Variants in TIPRL observed in about 807,000 individuals in gnomAD.
TIPRL encodes the protein TOR signaling pathway regulator.
TIPRL carries 10 observed loss-of-function variants against 32.3 expected under a neutral mutation model. The ratio of observed to expected loss-of-function variants is 0.31; its 90% CI spans 0.19 to 0.52. The LOEUF is 0.52. Among genes scored for constraint, TIPRL ranks in the 20% least tolerant of loss-of-function variants. The probability of loss-of-function intolerance (pLI) is 0.96; values close to 1 mark genes in which losing one functional copy is unlikely to be tolerated. For synonymous variants in TIPRL, 100 were observed against 114.0 expected (o/e 0.88, Z 0.78); for missense variants, 250 against 328.1 (o/e 0.76, Z 1.84).
intron 4 of TIPRL, 28 bp from the exon 5 acceptor site, chr1:168,196,519 A>C: frequency 7.0e-7 from 1 of 1,419,006 alleles, no homozygotes; most frequent in Non-Finnish European, 9.4e-7. Flanking sequence ...TTATTAAAAT[A>C]TTAATGTACC....
intron 3 of TIPRL, among the ~76,000 whole-genome samples, chr1:168,185,724 C>T (rs563930570): frequency 2.7e-4 from 40 of 147,170 alleles, no homozygotes; most frequent in Admixed American, 2.3e-3. Context: ...GGGCCAAGAT[C>T]GCGCCACTGC....
intron 1 of TIPRL, among the ~76,000 whole-genome samples, chr1:168,179,481 T>C (rs180908668): frequency 1.3e-5 from 2 of 152,200 alleles, no homozygotes; most frequent in East Asian, 3.9e-4. Flanking sequence ...TGCACCACCT[T>C]TCTTTCTGGG....
chr1:168,198,730 A>G (rs530838752), intron 5 of TIPRL, among the ~76,000 whole-genome samples, 189 bp from the exon 6 acceptor site: 5 of 152,330 alleles, frequency 3.3e-5, no homozygotes, highest in South Asian at 2.1e-4. Flanking sequence ...ATTATAATGT[A>G]TAGAAATTGG....
rs1387798261 is a variant in TIPRL at position 168,201,664 on chromosome 1, A to G, written c.*1618A>G. Reference sequence around the variant, plus strand: ...CATGTTGTGTTCAGCTTTCTGTTTTATATTATTTGCCATTGAGATTAGAAT... The same window carrying G: ...CATGTTGTGTTCAGCTTTCTGTTTTGTATTATTTGCCATTGAGATTAGAAT... On this transcript the variant is annotated 3_prime_UTR_variant, in exon 7 of 7. Transcript: ENST00000367833. The G allele has an allele frequency of 6.6e-6, 1 of 151,760 alleles. No homozygotes were observed. The highest frequency in any genetic ancestry group is 2.4e-5 in the African/African-American group (1 of 41,376). The allele number at this position is 151,760 out of a possible 1,614,324, so 9.4% of individuals were successfully genotyped here.
At chr1:168,191,046 TCA>T (rs1700090692) in intron 3 of TIPRL, among the ~76,000 whole-genome samples, 1 of 152,204 alleles carries the variant, frequency 6.6e-6, no homozygotes, top group Non-Finnish European at 1.5e-5. Context: ...CAGTCGTTCA[TCA>T]CACTGACTGA....
intron 3 of TIPRL, among the ~76,000 whole-genome samples, chr1:168,186,711 T>A (rs1035820235): frequency 6.6e-6 from 1 of 151,294 alleles, no homozygotes; most frequent in Non-Finnish European, 1.5e-5. Flanking sequence ...CACCTGAGGT[T>A]AGGAGCTGGA....
In TIPRL at chr1:168,193,989, G is replaced by A. The variant is rs1015979204; in HGVS notation, c.516+2489G>A. Among the ~76,000 whole-genome samples the A allele has an allele frequency of 3.9e-5, 6 of 152,188 alleles. No individual in the cohort carries two copies. In the South Asian group the frequency reaches 1.2e-3, roughly 31 times the overall value. On this transcript the variant is annotated intron_variant, in intron 4 of 6. Transcript: ENST00000367833. ...TGACAGCAAAAAATGTAGGCTGACAGAGATGTAAGGTATCAATCAGTGACT... is the reference window on the plus strand; with the variant it reads ...TGACAGCAAAAAATGTAGGCTGACAAAGATGTAAGGTATCAATCAGTGACT...
At chr1:168,196,053 G>A (rs1700148966) in intron 4 of TIPRL, among the ~76,000 whole-genome samples, 1 of 152,178 alleles carries the variant, frequency 6.6e-6, no homozygotes, top group Non-Finnish European at 1.5e-5. Context: ...GTGTTATAGT[G>A]TTCTGATAAA....
chr1:168,186,049 T>A (rs1281718273), intron 3 of TIPRL, among the ~76,000 whole-genome samples: 4 of 113,338 alleles, frequency 3.5e-5, no homozygotes, highest in African/African-American at 1.4e-4. Context: ...CACTCCAGCC[T>A]GGGCGACAGA....
intron 4 of TIPRL, 74 bp from the exon 5 acceptor site, chr1:168,196,473 T>G (rs942251372): frequency 1.8e-6 from 2 of 1,119,456 alleles, no homozygotes; most frequent in Non-Finnish European, 2.4e-6. Context: ...TGTTTTCAAA[T>G]TTTTTCTTTC....
chr1:168,195,907 A>G (rs1267912291), intron 4 of TIPRL, among the ~76,000 whole-genome samples: 1 of 152,090 alleles, frequency 6.6e-6, no homozygotes, highest in Non-Finnish European at 1.5e-5. Context: ...AATACCTCAC[A>G]TTCCATTCAA....
At chr1:168,193,270 A>G (rs934741416) in intron 4 of TIPRL, among the ~76,000 whole-genome samples, 3 of 152,096 alleles carry the variant, frequency 2.0e-5, no homozygotes, top group Admixed American at 2.0e-4. Flanking sequence ...AATTGTAGTG[A>G]ATTTTTAGAG....
chr1:168,194,370 G>A (rs1256563418), intron 4 of TIPRL, among the ~76,000 whole-genome samples: 4 of 152,116 alleles, frequency 2.6e-5, no homozygotes, highest in East Asian at 1.9e-4. Flanking sequence ...ATTCCCAAAC[G>A]TCCCCTAGGA....
At position 168,200,172 on chromosome 1, in the gene TIPRL, A is replaced by G; in HGVS notation, c.*126A>G. ...CAGATTTTCTGTAGCCTTAAAGGAAAAAAAAATAAAGATCGTTACAGGCAG... is the reference window on the plus strand; with the variant it reads ...CAGATTTTCTGTAGCCTTAAAGGAAGAAAAAATAAAGATCGTTACAGGCAG... On this transcript the variant is annotated 3_prime_UTR_variant, in exon 7 of 7. Transcript: ENST00000367833. 1.9e-6 allele frequency: 2 copies of G among 1,056,680 alleles called. No individual in the cohort carries two copies. Among genetic ancestry groups the G allele is most frequent in the Non-Finnish European group, 2.6e-6 (2 of 763,386 alleles). 65.5% of individuals were successfully genotyped at this position (1,056,680 alleles called of 1,614,324 possible).
At chr1:168,192,522 C>A in intron 4 of TIPRL, 2 of 527,878 alleles carry the variant, frequency 3.8e-6, no homozygotes, top group Non-Finnish European at 4.9e-6. Flanking sequence ...AAAGACCCAG[C>A]TAAAATACCA....
chr1:168,185,921 A>T (rs1332118564), intron 3 of TIPRL, among the ~76,000 whole-genome samples: 3 of 150,188 alleles, frequency 2.0e-5, no homozygotes, highest in Non-Finnish European at 4.4e-5. Flanking sequence ...CTAAAAATAC[A>T]AAATTTAGCC....
chr1:168,179,139 C>G lies in TIPRL; in HGVS notation c.62C>G (p.Thr21Arg), dbSNP rs1350124740. ...TTCTGCTTCGGGCCCTGGAAGCTGA[C>G]GGCGTCCAAGACCCACATCATGAAG... ...RDFCFGPWKL[T>R]ASKTHIMKSA... The change falls in exon 1 of 7, where the codon ACG (threonine) becomes AGG (arginine). Residue 21 changes from threonine to arginine, a missense_variant. Transcript: ENST00000367833. 1.2e-6 allele frequency: 2 copies of G among 1,613,864 alleles called. No homozygotes were observed. Among genetic ancestry groups the G allele is most frequent in the Non-Finnish European group, 1.7e-6 (2 of 1,179,950 alleles).
intron 1 of TIPRL, 57 bp downstream of exon 1, chr1:168,179,238 G>A: frequency 6.5e-7 from 1 of 1,531,618 alleles, no homozygotes; most frequent in Non-Finnish European, 9.0e-7. Context: ...CAGGGCGGGA[G>A]GCAGGGCGAA....
In TIPRL at chr1:168,200,215, T is replaced by C. The variant is rs1700195558; in HGVS notation, c.*169T>C. ...ACAGGCAGGTTTCACTCAACTGCTG[T>C]TTGTACTGTCTGTCTTCACATTCAT... On this transcript the variant is annotated 3_prime_UTR_variant, in exon 7 of 7. Transcript: ENST00000367833. 2 of 603,602 alleles carry C rather than the reference T, an allele frequency of 3.3e-6. No homozygotes were observed. Among genetic ancestry groups the C allele is most frequent in the East Asian group, 6.0e-5 (2 of 33,492 alleles). The allele number at this position is 603,602 out of a possible 1,614,324, so 37.4% of individuals were successfully genotyped here.
Sources: gnomAD v4.1 joint callset for allele counts (sites outside exome capture counted in the v4.1 genomes callset) on GRCh38, gnomAD v4.1.1 for gene constraint, MANE v1.5 for transcripts, NCBI Gene and HGNC (gene_info 2026-07-23, HGNC 2026-07-21) for gene names.